MARF1: variants seen among roughly 807,000 people sequenced by gnomAD.
MARF1 encodes the protein meiosis regulator and mRNA stability factor 1.
A neutral mutation model predicts 168.2 loss-of-function variants in MARF1; 24 were observed. The ratio of observed to expected loss-of-function variants is 0.14; its 90% CI spans 0.10 to 0.20. MARF1 has a LOEUF of 0.20. Among genes scored for constraint, MARF1 ranks in the 10% least tolerant of loss-of-function variants. The pLI, the probability that MARF1 is intolerant of heterozygous loss-of-function variation, is 1.00. For missense variants in MARF1, 1,744 were observed against 2,143.6 expected (o/e 0.81, Z 3.68); for synonymous variants, 868 against 822.4 (o/e 1.06, Z -0.95).
chr16:15,599,018 C>G lies in MARF1; in HGVS notation c.4820G>C (p.Ser1607Thr). 6.2e-7 allele frequency: 1 copy of G among 1,605,418 alleles called. No homozygotes were observed. ...GCGGAGAAGCTCCTGCTCTGTGTGA[C>G]TGGGCCCTGGGCAAACAAGGAGGGC... ...LKLGADGSGP[S>T]HTEQELLRLT... is the part of the protein sequence containing the mutation. Residue 1607 changes from serine (S) to threonine (T), a missense_variant, in exon 26 of 27, where the codon AGT (serine) becomes ACT (threonine). This residue lies in a region of MARF1 where 313 missense variants were observed against 337.4 expected (regional missense o/e 0.93). Transcript: ENST00000396368.
intron 13 of MARF1, 63 bp downstream of exon 13, chr16:15,620,388 G>A: frequency 2.1e-6 from 2 of 971,840 alleles, no homozygotes; most frequent in African/African-American, 1.6e-5. Context: ...CATTACCATG[G>A]TTTTGTGCAT....
intron 15 of MARF1, 96 bp from the exon 16 acceptor site, chr16:15,616,101 T>C (rs533611942): frequency 1.9e-6 from 2 of 1,041,016 alleles, no homozygotes; most frequent in South Asian, 2.7e-5. Flanking sequence ...TTAATGTATG[T>C]GTTAATCATT....
chr16:15,602,980 C>G (rs2032655119), intron 22 of MARF1, among the ~76,000 whole-genome samples: 1 of 152,184 alleles, frequency 6.6e-6, no homozygotes, highest in African/African-American at 2.4e-5. Flanking sequence ...TACCACAAAC[C>G]TTTTCAAAGT....
chr16:15,604,253 C>T lies in MARF1; in HGVS notation c.4328G>A (p.Ser1443Asn). 1 of 1,614,120 alleles carries T rather than the reference C, an allele frequency of 6.2e-7. No homozygotes were observed. The highest frequency in any genetic ancestry group is 1.1e-5 in the South Asian group (1 of 91,076). Residue 1443 changes from serine to asparagine, a missense_variant, in exon 22 of 27, where the codon AGT becomes AAT. Physicochemically the swap from Ser to Asn is conservative, Grantham distance 46. Transcript: ENST00000396368. The part of the protein sequence containing the change: ...SVEELKRHYE[S>N]THNTPLNPCE... Reference sequence around the variant, plus strand: ...GGGGTTAAGGGGAGTGTTGTGGGTACTTTCGTAATGTCTCTTGAGCTCCTC... The same window carrying T: ...GGGGTTAAGGGGAGTGTTGTGGGTATTTTCGTAATGTCTCTTGAGCTCCTC...
chr16:15,634,034 G>C (rs141863634), intron 4 of MARF1, among the ~76,000 whole-genome samples, 191 bp from the exon 5 acceptor site: 5 of 152,160 alleles, frequency 3.3e-5, no homozygotes, highest in African/African-American at 1.2e-4. Context: ...CACTCTAAGA[G>C]ATTATTTCTG....
rs1195656493 is a variant in MARF1 at position 15,621,927 on chromosome 16, C to T, written c.2461-16G>A. 13 of 1,609,332 alleles carry T rather than the reference C, an allele frequency of 8.1e-6. No homozygotes were observed. Among genetic ancestry groups the T allele is most frequent in the Middle Eastern group, 1.7e-4 (1 of 6,056 alleles). On this transcript the variant is annotated splice_polypyrimidine_tract_variant and intron_variant, in intron 11 of 26. Coordinates refer to ENST00000396368, the MANE Select transcript of MARF1 (RefSeq NM_014647.4). ...CACTCTTCACCTACAACAGGAAAAGCGAAAACTAAACGCTATGTCCGCCCA... is the reference window on the plus strand; with the variant it reads ...CACTCTTCACCTACAACAGGAAAAGTGAAAACTAAACGCTATGTCCGCCCA...
At chr16:15,622,869 G>C in intron 11 of MARF1, 65 bp downstream of exon 11, 1 of 1,324,522 alleles carries the variant, frequency 7.5e-7, no homozygotes, top group Non-Finnish European at 1.0e-6. Flanking sequence ...TATCAAATTA[G>C]GTCCTCTTGA....
Position 15,609,635 on chromosome 16 carries a change from A to C in MARF1, c.3842T>G (p.Phe1281Cys). The C allele has an allele frequency of 1.2e-6, 2 of 1,614,210 alleles. No homozygotes were observed. Among genetic ancestry groups the C allele is most frequent in the Non-Finnish European group, 1.7e-6 (2 of 1,180,028 alleles). The change falls in exon 20 of 27, where the codon TTT (phenylalanine) becomes TGT (cysteine). Residue 1281 changes from phenylalanine to cysteine, a missense_variant. Phe to Cys is a radical substitution (Grantham distance 205). Around this residue, in one of 7 missense-constraint regions of MARF1, gnomAD observed 543 missense variants for 742.1 expected, o/e 0.73. Coordinates refer to ENST00000396368, the MANE Select transcript of MARF1 (RefSeq NM_014647.4). Reference sequence around the variant, plus strand: ...ATGGTAAGAAGGGATAAATTTATTAAAGGGCATCCGGAAATGGGGTTGGTG... The same window carrying C: ...ATGGTAAGAAGGGATAAATTTATTACAGGGCATCCGGAAATGGGGTTGGTG... ...LRHQPHFRMPFNKFIPSYHHH... is the reference protein window; with the variant it reads ...LRHQPHFRMPCNKFIPSYHHH...
rs769629359 is a variant in MARF1 at position 15,624,932 on chromosome 16, C to G, written c.2112-5G>C. On this transcript the variant is annotated splice_polypyrimidine_tract_variant and splice_region_variant and intron_variant, in intron 9 of 26. Transcript: ENST00000396368. ...CGGGCACTGAGGTTCTCCTTTCTAA[C>G]AGAAGGGGAAAATTGAAGGCAAAAG... is the stretch of plus-strand genomic sequence containing the variant. The G allele has an allele frequency of 1.2e-6, 2 of 1,613,840 alleles. No individual in the cohort carries two copies. The highest frequency in any genetic ancestry group is 1.7e-5 in the Admixed American group (1 of 59,938).
chr16:15,638,257 T>C (rs2035726088), intron 2 of MARF1, among the ~76,000 whole-genome samples: 1 of 151,662 alleles, frequency 6.6e-6, no homozygotes, highest in South Asian at 2.1e-4. Flanking sequence ...AAATAAGAAA[T>C]AGAAAGGTGG....
chr16:15,636,374 T>C (rs1198936492), intron 2 of MARF1, 32 bp from the exon 3 acceptor site: 1 of 1,503,948 alleles, frequency 6.6e-7, no homozygotes, highest in East Asian at 2.3e-5. Flanking sequence ...ATAAATTAAT[T>C]TTATGAGGTC....
rs140240605 is a variant in MARF1 at position 15,633,175 on chromosome 16, CCACA to C, written c.1233+438_1233+441del. 3.0e-3 allele frequency among the ~76,000 whole-genome samples: 404 copies of C among 136,948 alleles called. 1 individual carries two copies. Among genetic ancestry groups the C allele is most frequent in the African/African-American group, 9.5e-3 (349 of 36,906 alleles). 89.8% of individuals were successfully genotyped at this position (136,948 alleles called of 152,430 possible). A position where few individuals can be genotyped will look rare whatever the true frequency, so the allele number is the denominator to read the frequency against. The stretch of plus-strand genomic sequence containing the variant: ...CAGAATTCTAAAAAAAAAAAAAACA[CCACA>C]CACACACACACACACACACACACAC... On this transcript the variant is annotated intron_variant, in intron 5 of 26. Coordinates refer to ENST00000396368, the MANE Select transcript of MARF1 (RefSeq NM_014647.4).
Position 15,623,032 on chromosome 16 carries a change from C to A in MARF1, c.2362G>T (p.Ala788Ser), listed in dbSNP as rs1164091744. 1.9e-6 allele frequency: 3 copies of A among 1,611,532 alleles called. No homozygotes were observed. Among genetic ancestry groups the A allele is most frequent in the Non-Finnish European group, 2.5e-6 (3 of 1,177,900 alleles). ...SSEADCPDPFANGADVQVSNI... is the reference protein window; with the variant it reads ...SSEADCPDPFSNGADVQVSNI... ...CTGACTTGGACATCAGCACCATTTG[C>A]AAATGGGTCTGGGCAGTCGGCTTCG... Residue 788 changes from alanine to serine, a missense_variant, in exon 11 of 27, where the codon GCA (alanine) becomes TCA (serine). By Grantham distance (99) the Ala-to-Ser change is moderately conservative. This residue lies in a region of MARF1 where 270 missense variants were observed against 260.6 expected (regional missense o/e 1.04). Coordinates refer to ENST00000396368, the MANE Select transcript of MARF1 (RefSeq NM_014647.4).
At chr16:15,597,710 G>A (rs11859779) in intron 26 of MARF1, among the ~76,000 whole-genome samples, 1 of 152,204 alleles carries the variant, frequency 6.6e-6, no homozygotes, top group Non-Finnish European at 1.5e-5. Flanking sequence ...GCGGCTGACA[G>A]AACTGCCCAC....
At chr16:15,599,175 A>AAAAAAAAAC in intron 25 of MARF1, 151 bp from the exon 26 acceptor site, 7 of 728,832 alleles carry the variant, frequency 9.6e-6, no homozygotes, top group South Asian at 1.8e-5. Context: ...AAAAAAAAAA[A>AAAAAAAAAC]CAAAAACCCA....
In MARF1 at chr16:15,615,615, C is replaced by T. The variant is rs370489428; in HGVS notation, c.3253+215G>A. Among the ~76,000 whole-genome samples, 19 of 152,242 alleles carry T rather than the reference C, an allele frequency of 1.2e-4. No homozygotes were observed. In the East Asian group the frequency reaches 3.3e-3, roughly 26 times the overall value. ...ACTCCAGCTAGGCGACAGAGCAAGA[C>T]TCCGTCTCAAAAAAAATAAATAAAT... On this transcript the variant is annotated intron_variant, in intron 16 of 26. Coordinates refer to ENST00000396368, the MANE Select transcript of MARF1 (RefSeq NM_014647.4).
intron 1 of MARF1, 41 bp from the exon 2 acceptor site, chr16:15,639,332 TAAGTACAAATTTTACAACATACTAA>T: frequency 7.4e-7 from 1 of 1,353,868 alleles, no homozygotes; most frequent in South Asian, 1.4e-5. Context: ...TTTCCTTGCA[TAAGTACAAATTTTACAACATACTAA>T]AATGTGAAAC....
At chr16:15,631,717 G>A (rs1331219291) in intron 5 of MARF1, among the ~76,000 whole-genome samples, 1 of 152,066 alleles carries the variant, frequency 6.6e-6, no homozygotes, top group Non-Finnish European at 1.5e-5. Flanking sequence ...CATGTATTAG[G>A]TATTTGTTCT....
intron 21 of MARF1, chr16:15,605,769 C>T (rs2032956763): frequency 6.6e-6 from 1 of 152,240 alleles, no homozygotes; most frequent in Non-Finnish European, 1.5e-5. Flanking sequence ...AGTGGGCAGC[C>T]AGGGAGGCAC....
Sources: allele counts gnomAD v4.1 joint callset (sites outside exome capture counted in the v4.1 genomes callset), GRCh38; gene constraint gnomAD v4.1.1; regional missense constraint gnomAD v4.1.1; transcripts MANE v1.5; gene names NCBI Gene and HGNC (gene_info 2026-07-23, HGNC 2026-07-21).